The following PTPRD variants were observed in gnomAD, a reference collection of about 807,000 sequenced individuals.
PTPRD encodes receptor-type tyrosine-protein phosphatase delta.
PTPRD carries 34 observed loss-of-function variants against 214.5 expected under a neutral mutation model. That is an observed-to-expected ratio of 0.16 (90% CI 0.12 to 0.21). PTPRD has a LOEUF of 0.21. Ranked by LOEUF, PTPRD falls within the 10% of genes least tolerant of loss-of-function variation. PTPRD has a pLI of 1.00. For synonymous variants in PTPRD, 1,128 were observed against 845.7 expected (o/e 1.33, Z -5.79); for missense variants, 2,545 against 2,398.7 (o/e 1.06, Z -1.27).
intron 37 of PTPRD, 24 bp from the exon 38 acceptor site, chr9:8,376,750 C>G (rs2083365486): frequency 6.2e-7 from 1 of 1,612,184 alleles, no homozygotes; most frequent in Non-Finnish European, 8.5e-7. Flanking sequence ...GTGACACATT[C>G]AGGGCAAATG....
chr9:9,967,197 T>C (rs902100394), intron 4 of PTPRD, among the ~76,000 whole-genome samples: 1 of 152,202 alleles, frequency 6.6e-6, no homozygotes, highest in Non-Finnish European at 1.5e-5. Flanking sequence ...GCCTCAGTTT[T>C]ATCATCAGCA....
intron 9 of PTPRD, among the ~76,000 whole-genome samples, chr9:9,238,516 T>G (rs959672271): frequency 6.6e-6 from 1 of 152,108 alleles, no homozygotes; most frequent in Non-Finnish European, 1.5e-5. Flanking sequence ...AGAGAGAAAC[T>G]GGAAAATCAT....
rs540255379 is a variant in PTPRD at position 9,432,887 on chromosome 9, C to T, written c.-236-35405G>A. Among the ~76,000 whole-genome samples, 5 of 152,258 alleles carry T rather than the reference C, an allele frequency of 3.3e-5. No individual in the cohort carries two copies. The East Asian group carries it at 9.7e-4, about 29-fold the overall frequency. ...AGAAAAAGTGGAGTTTTAGAGGGAT[C>T]AGGAAATCGTTATAATTCCCAGAGT... On this transcript the variant is annotated intron_variant, in intron 8 of 45. Transcript: ENST00000381196.
At chr9:9,919,101 C>G (rs892443635) in intron 5 of PTPRD, among the ~76,000 whole-genome samples, 1 of 151,928 alleles carries the variant, frequency 6.6e-6, no homozygotes, top group Non-Finnish European at 1.5e-5. Flanking sequence ...TTAAAATATC[C>G]AAATGAATGA....
chr9:10,422,438 C>T (rs1316841202), intron 2 of PTPRD, among the ~76,000 whole-genome samples: 1 of 151,980 alleles, frequency 6.6e-6, no homozygotes. Context: ...GCAATGGTAA[C>T]AAAAGCCAAA....
At chr9:9,666,403 G>A (rs1332146429) in intron 7 of PTPRD, among the ~76,000 whole-genome samples, 1 of 151,872 alleles carries the variant, frequency 6.6e-6, no homozygotes, top group Admixed American at 6.6e-5. Flanking sequence ...TGCAAAATTT[G>A]TCTATCTTTC....
chr9:9,321,279 G>C lies in PTPRD; in HGVS notation c.-203+76170C>G, dbSNP rs78582907. Among the ~76,000 whole-genome samples the C allele has an allele frequency of 5.9e-3, 898 of 152,278 alleles. 2 individuals carry two copies. The highest frequency in any genetic ancestry group is 1.0e-2 in the Non-Finnish European group (678 of 68,022). On this transcript the variant is annotated intron_variant, in intron 9 of 45. Transcript: ENST00000381196. Reference sequence around the variant, plus strand: ...TTCATTAAAGGAGGACTCTGGGCTGGGTGCAGTGGCTCATGCCTGTAATCC... The same window carrying C: ...TTCATTAAAGGAGGACTCTGGGCTGCGTGCAGTGGCTCATGCCTGTAATCC...
At chr9:10,322,231 A>C (rs2096566002) in intron 3 of PTPRD, among the ~76,000 whole-genome samples, 2 of 152,072 alleles carry the variant, frequency 1.3e-5, no homozygotes, top group Admixed American at 6.6e-5. Flanking sequence ...CAGACCCATA[A>C]AAAAGATTAT....
chr9:9,919,484 G>A (rs140401223), intron 5 of PTPRD, among the ~76,000 whole-genome samples: 3 of 152,248 alleles, frequency 2.0e-5, no homozygotes, highest in African/African-American at 2.4e-5. Flanking sequence ...TGGCTGTGGA[G>A]TCCTGCATGT....
intron 4 of PTPRD, among the ~76,000 whole-genome samples, chr9:9,992,001 TGAAAG>T (rs897521181): frequency 6.5e-4 from 99 of 152,242 alleles, no homozygotes; most frequent in African/African-American, 2.2e-3. Flanking sequence ...TTACGCTAAA[TGAAAG>T]GAGTCAGTCA....
At chr9:8,854,240 A>T (rs2097871255) in intron 11 of PTPRD, among the ~76,000 whole-genome samples, 1 of 152,188 alleles carries the variant, frequency 6.6e-6, no homozygotes, top group South Asian at 2.1e-4. Flanking sequence ...TAGGATCACA[A>T]GTTAGAGCAC....
chr9:8,836,334 T>G (rs921917248), intron 11 of PTPRD, among the ~76,000 whole-genome samples: 1 of 152,162 alleles, frequency 6.6e-6, no homozygotes, highest in African/African-American at 2.4e-5. Context: ...AAGAGAGCCC[T>G]TGGCACATCT....
At chr9:9,227,679 C>G (rs531822065) in intron 9 of PTPRD, among the ~76,000 whole-genome samples, 69 of 152,186 alleles carry the variant, frequency 4.5e-4, no homozygotes, top group African/African-American at 1.6e-3. Context: ...AATTACTTAT[C>G]TGGGGGAAGC....
chr9:9,603,432 C>G (rs1454243396), intron 7 of PTPRD, among the ~76,000 whole-genome samples: 1 of 152,084 alleles, frequency 6.6e-6, no homozygotes, highest in Non-Finnish European at 1.5e-5. Flanking sequence ...GTTATATAAG[C>G]CATATTAGGC....
chr9:8,690,107 TAAAAA>T (rs74902579), intron 12 of PTPRD, among the ~76,000 whole-genome samples: 1 of 131,146 alleles, frequency 7.6e-6, no homozygotes. Context: ...GACTCCATCT[TAAAAA>T]AAAAAAAAAA....
intron 2 of PTPRD, among the ~76,000 whole-genome samples, chr9:10,484,500 C>T (rs569572814): frequency 2.5e-4 from 38 of 152,144 alleles, no homozygotes; most frequent in African/African-American, 7.0e-4. Context: ...TACATTCTCA[C>T]GACAAGTGTA....
intron 5 of PTPRD, among the ~76,000 whole-genome samples, chr9:9,856,836 T>C (rs1278245247): frequency 3.3e-5 from 5 of 152,124 alleles, no homozygotes; most frequent in South Asian, 4.1e-4. Context: ...AAGACCTCTA[T>C]TGATAAGTGA....
chr9:9,889,257 G>A (rs2072271327), intron 5 of PTPRD, among the ~76,000 whole-genome samples: 1 of 152,056 alleles, frequency 6.6e-6, no homozygotes. Context: ...GCTGACAGTG[G>A]ACGTCAAGCA....
chr9:10,355,510 C>A (rs1017410488), intron 2 of PTPRD, among the ~76,000 whole-genome samples: 2 of 148,136 alleles, frequency 1.4e-5, no homozygotes, highest in African/African-American at 5.0e-5. Context: ...CGGAGTCTCA[C>A]TCTTATTGCC....
Sources: allele counts gnomAD v4.1 joint callset (sites outside exome capture counted in the v4.1 genomes callset), GRCh38; gene constraint gnomAD v4.1.1; transcripts MANE v1.5; gene names NCBI Gene and HGNC (gene_info 2026-07-23, HGNC 2026-07-21).